Variants in GNAQ observed in about 807,000 individuals in gnomAD.
The protein encoded by GNAQ is G protein subunit alpha q.
In GNAQ, 8 loss-of-function variants were observed where a neutral mutation model predicts 43.9. The ratio of observed to expected loss-of-function variants is 0.18; its 90% CI spans 0.11 to 0.33. The LOEUF is 0.33. GNAQ is among the 10% of genes least tolerant of loss of function. The pLI is 1.00. For synonymous variants in GNAQ, 155 were observed against 170.7 expected (o/e 0.91, Z 0.71); for missense variants, 158 against 450.8 (o/e 0.35, Z 5.88).
At chr9:77,840,584 G>C (rs1455019129) in intron 2 of GNAQ, among the ~76,000 whole-genome samples, 1 of 152,112 alleles carries the variant, frequency 6.6e-6, no homozygotes, top group Non-Finnish European at 1.5e-5. Flanking sequence ...TGAACCGTTT[G>C]CCTCGGCCTC....
chr9:78,020,857 A>G (rs1823900139), intron 1 of GNAQ, among the ~76,000 whole-genome samples: 1 of 152,158 alleles, frequency 6.6e-6, no homozygotes, highest in Admixed American at 6.6e-5. Flanking sequence ...CCCAACGCTG[A>G]TAAGTTGATG....
intron 5 of GNAQ, among the ~76,000 whole-genome samples, chr9:77,769,691 G>A (rs1364721013): frequency 1.4e-5 from 2 of 140,872 alleles, no homozygotes; most frequent in African/African-American, 5.3e-5. Context: ...TTGGGATGGA[G>A]TCTCGCTCTG....
intron 3 of GNAQ, among the ~76,000 whole-genome samples, chr9:77,811,436 G>C (rs974631188): frequency 6.6e-6 from 1 of 152,028 alleles, no homozygotes; most frequent in African/African-American, 2.4e-5. Flanking sequence ...AGTCAGAAAG[G>C]AAAAGGGCTA....
chr9:77,716,532 TAG>T lies in GNAQ; in HGVS notation c.*4789_*4790del, dbSNP rs1267051390. 8.6e-6 allele frequency: 2 copies of T among 232,930 alleles called. No homozygotes were observed. Among genetic ancestry groups the T allele is most frequent in the East Asian group, 1.2e-4 (2 of 16,500 alleles). The allele number at this position is 232,930 out of a possible 1,614,324, so 14.4% of individuals were successfully genotyped here. ...GAGGAATCCAGCAAGGAGTTGCATT[TAG>T]AGAGTTCTTTGAGGAAAAGAAATCC... On this transcript the variant is annotated 3_prime_UTR_variant, in exon 7 of 7. Transcript: ENST00000286548.
At chr9:77,954,530 A>G (rs71511435) in intron 1 of GNAQ, among the ~76,000 whole-genome samples, 2,742 of 152,280 alleles carry the variant, frequency 0.018, 56 homozygotes, top group Non-Finnish European at 0.027. Flanking sequence ...CCACTGTGTC[A>G]CCTCCTCCAT....
At chr9:77,879,389 G>T (rs2118057925) in intron 2 of GNAQ, among the ~76,000 whole-genome samples, 1 of 152,130 alleles carries the variant, frequency 6.6e-6, no homozygotes, top group East Asian at 2.0e-4. Context: ...TCAGCCTCCA[G>T]TGTAGCTGGG....
At chr9:77,732,270 G>C (rs1265381196) in intron 5 of GNAQ, among the ~76,000 whole-genome samples, 1 of 152,138 alleles carries the variant, frequency 6.6e-6, no homozygotes, top group Non-Finnish European at 1.5e-5. Flanking sequence ...CTGAAGACAG[G>C]TTTAAAGGCA....
chr9:77,952,799 T>C (rs546199745), intron 1 of GNAQ, among the ~76,000 whole-genome samples: 53 of 152,310 alleles, frequency 3.5e-4, no homozygotes, highest in Admixed American at 7.9e-4. Flanking sequence ...AAGAAGCCCA[T>C]TAATAAATAA....
intron 3 of GNAQ, among the ~76,000 whole-genome samples, chr9:77,797,921 G>A (rs1373774311): frequency 2.0e-5 from 3 of 152,184 alleles, no homozygotes; most frequent in Non-Finnish European, 4.4e-5. Context: ...AGGGGTGGGA[G>A]AAAAAGAAAT....
chr9:77,806,620 G>A (rs1226915497), intron 3 of GNAQ, among the ~76,000 whole-genome samples: 2 of 152,182 alleles, frequency 1.3e-5, no homozygotes, highest in Non-Finnish European at 2.9e-5. Flanking sequence ...CAGTAGAGGT[G>A]GGGATGGGTT....
chr9:77,762,237 C>T (rs1404558488), intron 5 of GNAQ, among the ~76,000 whole-genome samples: 10 of 138,188 alleles, frequency 7.2e-5, no homozygotes, highest in South Asian at 2.4e-4. Flanking sequence ...CCGCCCCTTC[C>T]GGGAGGGAGG....
rs539379703 is a variant in GNAQ, at chr9:77,769,664, CTTTTTTT to C, written c.735+24792_735+24798del. Reference sequence around the variant, plus strand: ...TCTTTAGTAGAAAAAGACAAGAACTCTTTTTTTTTTTTTTTTTTGGGATGGAGTCTCG... The same window carrying C: ...TCTTTAGTAGAAAAAGACAAGAACTCTTTTTTTTTTTGGGATGGAGTCTCG... On this transcript the variant is annotated intron_variant, in intron 5 of 6. Transcript: ENST00000286548. 1.2e-4 allele frequency among the ~76,000 whole-genome samples: 15 copies of C among 129,120 alleles called. No individual in the cohort carries two copies. The East Asian group carries it at 1.3e-3, about 12-fold the overall frequency. The allele number at this position is 129,120 out of a possible 152,430, so 84.7% of individuals were successfully genotyped here. A position where few individuals can be genotyped will look rare whatever the true frequency, so the allele number is the denominator to read the frequency against.
At chr9:77,932,625 G>A (rs1182693657) in intron 1 of GNAQ, among the ~76,000 whole-genome samples, 1 of 152,198 alleles carries the variant, frequency 6.6e-6, no homozygotes, top group Non-Finnish European at 1.5e-5. Context: ...AGGTACAAGA[G>A]GGTCAGTGTG....
chr9:77,729,687 T>C (rs1446932949), intron 5 of GNAQ, among the ~76,000 whole-genome samples: 1 of 152,184 alleles, frequency 6.6e-6, no homozygotes, highest in Admixed American at 6.5e-5. Flanking sequence ...ATGGGCATGC[T>C]TCATCCTGCA....
At chr9:77,935,304 G>T (rs536742507) in intron 1 of GNAQ, among the ~76,000 whole-genome samples, 76 of 152,122 alleles carry the variant, frequency 5.0e-4, no homozygotes, top group African/African-American at 1.8e-3. Flanking sequence ...GTACCTGCTG[G>T]GGGGTCTCAT....
At chr9:77,803,694 A>G (rs1564115368) in intron 3 of GNAQ, among the ~76,000 whole-genome samples, 1 of 152,246 alleles carries the variant, frequency 6.6e-6, no homozygotes, top group Non-Finnish European at 1.5e-5. Flanking sequence ...TAAGGGTTAC[A>G]TAAAAACAAG....
At chr9:77,962,892 C>CAAAAAAAAA (rs538653191) in intron 1 of GNAQ, among the ~76,000 whole-genome samples, 1 of 55,238 alleles carries the variant, frequency 1.8e-5, no homozygotes, top group Non-Finnish European at 3.7e-5. Flanking sequence ...AACTTAGTCT[C>CAAAAAAAAA]AAAAAAAAAA....
At chr9:77,746,935 A>T (rs542262924) in intron 5 of GNAQ, among the ~76,000 whole-genome samples, 1 of 152,306 alleles carries the variant, frequency 6.6e-6, no homozygotes, top group South Asian at 2.1e-4. Flanking sequence ...TCTTTAAAAA[A>T]TTTTGTCTTT....
chr9:78,028,295 T>C (rs1824007117), intron 1 of GNAQ, among the ~76,000 whole-genome samples: 1 of 152,084 alleles, frequency 6.6e-6, no homozygotes, highest in South Asian at 2.1e-4. Context: ...AGGGTTCACG[T>C]TTCTAAAGTT....
Sources: allele counts gnomAD v4.1 joint callset (sites outside exome capture counted in the v4.1 genomes callset), GRCh38; gene constraint gnomAD v4.1.1; transcripts MANE v1.5; gene names NCBI Gene and HGNC (gene_info 2026-07-23, HGNC 2026-07-21).